Variants in DONSON observed in about 807,000 individuals in gnomAD.
The protein encoded by DONSON is DNA replication fork stabilization factor DONSON, also known as protein downstream neighbor of Son.
DONSON carries 43 observed loss-of-function variants against 62.1 expected under a neutral mutation model. That is an observed-to-expected ratio of 0.69 (90% CI 0.54 to 0.89). DONSON has a LOEUF of 0.89. Ranked by LOEUF, DONSON falls within the 40% of genes least tolerant of loss-of-function variation. DONSON has a pLI of 0.00. For missense variants in DONSON, 696 were observed against 697.5 expected (o/e 1.00, Z 0.03); for synonymous variants, 266 against 264.6 (o/e 1.01, Z -0.05).
rs1569072998 is a variant in DONSON, at chr21:33,577,660, CA to C, written c.*646del. ...ACACACACACACACACACACACACA[CA>C]CACACACACACACACACACACACAC... On this transcript the variant is annotated 3_prime_UTR_variant, in exon 10 of 10. Transcript: ENST00000303071. 8.0e-4 allele frequency: 88 copies of C among 109,998 alleles called. 1 individual carries two copies. Among genetic ancestry groups the C allele is most frequent in the African/African-American group, 2.9e-3 (73 of 25,102 alleles). 6.8% of individuals were successfully genotyped at this position (109,998 alleles called of 1,614,324 possible). A position where few individuals can be genotyped will look rare whatever the true frequency, so the allele number is the denominator to read the frequency against.
At position 33,588,536 on chromosome 21, in the gene DONSON, GC is replaced by G; in HGVS notation, c.105del (p.Arg37ValfsTer3). 8.0e-7 allele frequency: 1 copy of G among 1,252,286 alleles called. No individual in the cohort carries two copies. The allele number at this position is 1,252,286 out of a possible 1,614,324, so 77.6% of individuals were successfully genotyped here. ...RARSRGAAAS[P>X]PRELTEPAAR... ...GCCGCCGGCTCCGTCAGCTCACGGG[GC>G]GGGGAGGCGGCAGCTCCACGGCTCC... On this transcript the variant is annotated frameshift_variant, in exon 1 of 10. Transcript: ENST00000303071. LOFTEE classifies it high-confidence loss of function.
Position 33,582,068 on chromosome 21 carries a change from TAC to T in DONSON, c.1047-15_1047-14del, listed in dbSNP as rs745561864. The T allele has an allele frequency of 1.2e-6, 2 of 1,613,684 alleles. No homozygotes were observed. Among genetic ancestry groups the T allele is most frequent in the African/African-American group, 1.3e-5 (1 of 74,936 alleles). On this transcript the variant is annotated splice_polypyrimidine_tract_variant and intron_variant, in intron 6 of 9. Transcript: ENST00000303071. ...GATGGCTTGCTCCCTAGGAAATTGC[TAC>T]AGTTAGAGTCCCTATTTCACAAGCT...
At chr21:33,580,238 A>G (rs1018901465) in intron 8 of DONSON, among the ~76,000 whole-genome samples, 2 of 135,488 alleles carry the variant, frequency 1.5e-5, no homozygotes, top group Admixed American at 1.5e-4. Flanking sequence ...CTAAATAGAT[A>G]GATGAATGAA....
chr21:33,585,928 T>G, intron 3 of DONSON, 50 bp downstream of exon 3: 1 of 1,573,506 alleles, frequency 6.4e-7, no homozygotes, highest in Non-Finnish European at 8.7e-7. Flanking sequence ...GGAGAGCATT[T>G]CACACTTAAT....
intron 4 of DONSON, 51 bp downstream of exon 4, chr21:33,584,539 C>T (rs564690221): frequency 6.8e-7 from 1 of 1,463,186 alleles, no homozygotes; most frequent in South Asian, 1.5e-5. Flanking sequence ...GAGAATGCTG[C>T]TAAAATAAAA....
chr21:33,585,387 ATTTTTTTTTTTT>A (rs773327167), intron 3 of DONSON, among the ~76,000 whole-genome samples: 1 of 109,820 alleles, frequency 9.1e-6, no homozygotes, highest in Non-Finnish European at 1.8e-5. Flanking sequence ...TGCTCAGCTA[ATTTTTTTTTTTT>A]TTTTTTTTTG....
rs765045326 is a variant in DONSON at position 33,578,337 on chromosome 21, C to T, written c.1671G>A (p.Leu557=). The T allele has an allele frequency of 4.6e-5, 75 of 1,613,830 alleles. No homozygotes were observed. In the East Asian group the frequency reaches 1.5e-3, roughly 33 times the overall value. The stretch of plus-strand genomic sequence containing the variant: ...ATCTCCAATTATAAATGTAGTCTCT[C>T]AGCACCACATTCCGTAAAGATGATT... ...LGKSSLRNVV[L]RDYIYNWRS is the part of the protein sequence containing the mutation. Residue 557 remains leucine (L), a synonymous_variant, in exon 10 of 10, where the codon CTG becomes CTA. Transcript: ENST00000303071.
Position 33,578,181 on chromosome 21 carries a change from A to C in DONSON, c.*126T>G. ...AATAGTAAAACACATTTAAAACCTT[A>C]GATGCTACTGTAGTAAAAGTTATGT... On this transcript the variant is annotated 3_prime_UTR_variant, in exon 10 of 10. Coordinates refer to ENST00000303071, the MANE Select transcript of DONSON (RefSeq NM_017613.4). 2 of 984,174 alleles carry C rather than the reference A, an allele frequency of 2.0e-6. No homozygotes were observed. The highest frequency in any genetic ancestry group is 2.9e-6 in the Non-Finnish European group (2 of 685,466). 61.0% of individuals were successfully genotyped at this position (984,174 alleles called of 1,614,324 possible).
At chr21:33,586,261 A>C in intron 2 of DONSON, 80 bp from the exon 3 acceptor site, 1 of 1,131,052 alleles carries the variant, frequency 8.8e-7, no homozygotes, top group South Asian at 1.3e-5. Flanking sequence ...AGCTAACATG[A>C]TCACTGAAAA....
Position 33,581,414 on chromosome 21 carries a change from T to A in DONSON, c.1238A>T (p.Asn413Ile), listed in dbSNP as rs2086509932. 6.2e-7 allele frequency: 1 copy of A among 1,614,008 alleles called. No individual in the cohort carries two copies. Among genetic ancestry groups the A allele is most frequent in the Non-Finnish European group, 8.5e-7 (1 of 1,180,020 alleles). ...VKGINTFTLL[N>I]FLINSKSLVA... ...TAAACTCTTAGAGTTAATCAAAAAA[T>A]TGAGCAATGTAAAGGTGTTGATTCC... Residue 413 changes from asparagine to isoleucine, a missense_variant, in exon 8 of 10, where the codon AAT becomes ATT. Coordinates refer to ENST00000303071, the MANE Select transcript of DONSON (RefSeq NM_017613.4).
At chr21:33,587,661 T>C (rs1443831245) in intron 1 of DONSON, 59 bp from the exon 2 acceptor site, 4 of 1,199,376 alleles carry the variant, frequency 3.3e-6, no homozygotes, top group South Asian at 1.4e-5. Context: ...GCGTTAAATA[T>C]GTACAGAGCC....
chr21:33,582,468 A>G (rs2086524780), intron 5 of DONSON, among the ~76,000 whole-genome samples: 1 of 152,206 alleles, frequency 6.6e-6, no homozygotes, highest in African/African-American at 2.4e-5. Flanking sequence ...TCTTTCATAA[A>G]TCATATTGTA....
rs75243972 is a variant in DONSON, at chr21:33,585,024, C to T, written c.607-256G>A. 6.4e-3 allele frequency among the ~76,000 whole-genome samples: 972 copies of T among 152,238 alleles called. 13 individuals carry two copies. Among genetic ancestry groups the T allele is most frequent in the African/African-American group, 0.023 (935 of 41,524 alleles). The stretch of plus-strand genomic sequence containing the variant: ...CTACCATCCTTAAGGACAATGACTA[C>T]CTTTTTTATCATGAGGAATAGGGGT... On this transcript the variant is annotated intron_variant, in intron 3 of 9. Coordinates refer to ENST00000303071, the MANE Select transcript of DONSON (RefSeq NM_017613.4).
At chr21:33,588,072 C>G (rs2086599812) in intron 1 of DONSON, among the ~76,000 whole-genome samples, 1 of 152,194 alleles carries the variant, frequency 6.6e-6, no homozygotes, top group Non-Finnish European at 1.5e-5. Context: ...CTGGGGCCCC[C>G]TCACTTTCCT....
chr21:33,588,497 G>A lies in DONSON; in HGVS notation c.145C>T (p.Leu49=), dbSNP rs929463171. Reference sequence around the variant, plus strand: ...GGGCGAAGAGGCAGCCCCGCCACCAGGGCGGCTCGGCGGGCCGCCGGCTCC... The same window carrying A: ...GGGCGAAGAGGCAGCCCCGCCACCAAGGCGGCTCGGCGGGCCGCCGGCTCC... The part of the protein sequence containing the change: ...LTEPAARRAA[L]VAGLPLRPFP... The change falls in exon 1 of 10, where the codon CTG becomes TTG. Residue 49 remains leucine (L), a synonymous_variant. Coordinates refer to ENST00000303071, the MANE Select transcript of DONSON (RefSeq NM_017613.4). 8.0e-7 allele frequency: 1 copy of A among 1,257,102 alleles called. No homozygotes were observed. Among genetic ancestry groups the A allele is most frequent in the Non-Finnish European group, 1.0e-6 (1 of 1,001,510 alleles). 77.9% of individuals were successfully genotyped at this position (1,257,102 alleles called of 1,614,324 possible). A position where few individuals can be genotyped will look rare whatever the true frequency, so the allele number is the denominator to read the frequency against.
chr21:33,586,323 C>T (rs927236850), intron 2 of DONSON, 142 bp from the exon 3 acceptor site: 6 of 734,916 alleles, frequency 8.2e-6, no homozygotes, highest in African/African-American at 1.8e-5. Flanking sequence ...ACATTACACA[C>T]TGTAAAAAAG....
rs1012950140 is a variant in DONSON, at chr21:33,578,342, C to T, written c.1666G>A (p.Val556Met). The T allele has an allele frequency of 2.5e-6, 4 of 1,613,884 alleles. No homozygotes were observed. In the East Asian group the frequency reaches 6.7e-5, roughly 27 times the overall value. The change falls in exon 10 of 10, where the codon GTG becomes ATG. Residue 556 changes from valine to methionine, a missense_variant. Transcript: ENST00000303071. ...CAATTATAAATGTAGTCTCTCAGCA[C>T]CACATTCCGTAAAGATGATTTCCCA... ...LLGKSSLRNV[V>M]LRDYIYNWRS
Position 33,583,613 on chromosome 21 carries a change from TA to T in DONSON, c.838del (p.Tyr280IlefsTer18). ...AAACTGATAGGTACAAACGTAGAAA[TA>T]GGGGCAAAGTTTTGTCTTCAGCAAA... Reference protein sequence around the residue: ...YNLLKTKLCPYFYVCTYQFTV... With the variant: ...YNLLKTKLCPXFYVCTYQFTV... On this transcript the variant is annotated frameshift_variant, in exon 5 of 10. Transcript: ENST00000303071. LOFTEE classifies it high-confidence loss of function. 6.2e-7 allele frequency: 1 copy of T among 1,612,770 alleles called. No homozygotes were observed. Among genetic ancestry groups the T allele is most frequent in the Non-Finnish European group, 8.5e-7 (1 of 1,179,188 alleles).
chr21:33,586,882 C>T (rs114147158), intron 2 of DONSON, among the ~76,000 whole-genome samples: 1,563 of 152,246 alleles, frequency 0.01, 30 homozygotes, highest in African/African-American at 0.035. Flanking sequence ...AGGTGTGATC[C>T]GCCTGCTTCA....
Sources: allele counts gnomAD v4.1 joint callset (sites outside exome capture counted in the v4.1 genomes callset), GRCh38; gene constraint gnomAD v4.1.1; transcripts MANE v1.5; gene names NCBI Gene and HGNC (gene_info 2026-07-23, HGNC 2026-07-21).